ANKRD27: variants seen among roughly 807,000 people sequenced by gnomAD.
ANKRD27 encodes ankyrin repeat domain 27.
A neutral mutation model predicts 129.7 loss-of-function variants in ANKRD27; 112 were observed. The observed-to-expected ratio is 0.86, with a 90% confidence interval of 0.74 to 1.01. The LOEUF (loss-of-function observed/expected upper bound fraction) is 1.01, where lower values mean the gene tolerates loss of function less well. Ranked by LOEUF, ANKRD27 falls within the 50% of genes least tolerant of loss-of-function variation. The probability of loss-of-function intolerance (pLI) is 0.00; values close to 1 mark genes in which losing one functional copy is unlikely to be tolerated. For synonymous variants in ANKRD27, 516 were observed against 511.2 expected (o/e 1.01, Z -0.13); for missense variants, 1,258 against 1,300.5 (o/e 0.97, Z 0.50).
chr19:32,605,698 C>T (rs1166877582), intron 24 of ANKRD27, 137 bp downstream of exon 24: 1 of 1,214,358 alleles, frequency 8.2e-7, no homozygotes, highest in Non-Finnish European at 1.2e-6. Flanking sequence ...GACGCACGCC[C>T]TGCTCCTCTC....
chr19:32,636,841 G>A (rs1405551181), intron 12 of ANKRD27, among the ~76,000 whole-genome samples: 12 of 151,666 alleles, frequency 7.9e-5, no homozygotes, highest in African/African-American at 1.5e-4. Context: ...TCTGCCTCCC[G>A]GATTAATGCA....
intron 24 of ANKRD27, among the ~76,000 whole-genome samples, chr19:32,605,093 G>A (rs956390614): frequency 1.5e-4 from 23 of 152,050 alleles, no homozygotes; most frequent in South Asian, 4.2e-4. Flanking sequence ...AATACTTGGC[G>A]AGGCCCCGTG....
intron 23 of ANKRD27, 131 bp from the exon 24 acceptor site, chr19:32,606,085 G>T: frequency 2.7e-6 from 2 of 753,250 alleles, no homozygotes; most frequent in Non-Finnish European, 3.7e-6. Flanking sequence ...AAATGCTCAA[G>T]TTTGATATTC....
At position 32,640,308 on chromosome 19, in the gene ANKRD27, AATTAGGG is replaced by A; in HGVS notation, c.975_981del (p.Pro326GlyfsTer5). ...GAGTATCTTAAAAGAAAATGTTACC[AATTAGGG>A]ATCTCCGTTTTCACAAGCAAGTATA... On this transcript the variant is annotated frameshift_variant and splice_region_variant, in exon 11 of 29. Coordinates refer to ENST00000306065, the MANE Select transcript of ANKRD27 (RefSeq NM_032139.3). LOFTEE classifies it high-confidence loss of function. 6.2e-7 allele frequency: 1 copy of A among 1,612,912 alleles called. No homozygotes were observed. The highest frequency in any genetic ancestry group is 8.5e-7 in the Non-Finnish European group (1 of 1,179,020).
At chr19:32,660,896 C>T (rs259256) in intron 1 of ANKRD27, among the ~76,000 whole-genome samples, 74,260 of 151,930 alleles carry the variant, frequency 0.49, 21,033 homozygotes, top group Non-Finnish European at 0.65. Flanking sequence ...CTTTACACAT[C>T]TGTATACTAA....
rs755184107 is a variant in ANKRD27, at chr19:32,644,369, G to T, written c.481C>A (p.Arg161=). Reference sequence around the variant, plus strand: ...TTTCTCTCGCATTCTCGGAATGTTCGATGGAAAGAGGCGATGTTCCTGTCA... The same window carrying T: ...TTTCTCTCGCATTCTCGGAATGTTCTATGGAAAGAGGCGATGTTCCTGTCA... The part of the protein sequence containing the change: ...RFDRNIASFH[R]TFRECERKSL... Residue 161 remains arginine, a synonymous_variant, in exon 5 of 29, where the codon CGA becomes AGA. Coordinates refer to ENST00000306065, the MANE Select transcript of ANKRD27 (RefSeq NM_032139.3). The T allele has an allele frequency of 1.3e-5, 21 of 1,613,814 alleles. No individual in the cohort carries two copies. Among genetic ancestry groups the T allele is most frequent in the Non-Finnish European group, 8.5e-7 (1 of 1,180,008 alleles).
intron 1 of ANKRD27, among the ~76,000 whole-genome samples, chr19:32,667,991 T>C (rs1334250891): frequency 6.6e-6 from 1 of 152,220 alleles, no homozygotes; most frequent in East Asian, 1.9e-4. Flanking sequence ...ACTCTCTCAC[T>C]ATGTAACAGG....
At position 32,643,310 on chromosome 19, in the gene ANKRD27, C is replaced by G. The variant is rs138679508; in HGVS notation, c.682G>C (p.Val228Leu). 17 of 1,613,948 alleles carry G rather than the reference C, an allele frequency of 1.1e-5. No homozygotes were observed. Among genetic ancestry groups the G allele is most frequent in the African/African-American group, 1.3e-5 (1 of 75,008 alleles). The change falls in exon 8 of 29, where the codon GTG becomes CTG. Residue 228 changes from valine (V) to leucine (L), a missense_variant. Val to Leu is a conservative substitution (Grantham distance 32). Coordinates refer to ENST00000306065, the MANE Select transcript of ANKRD27 (RefSeq NM_032139.3). ...HEIYNLIFKY[V>L]GTMEASEDAA... The stretch of plus-strand genomic sequence containing the variant: ...ACCTCACTTGCCTCCATGGTCCCCA[C>G]GTATTTAAAGATCAGGTTGTAAATT...
chr19:32,656,246 G>A (rs1240817870), intron 2 of ANKRD27, among the ~76,000 whole-genome samples: 1 of 152,140 alleles, frequency 6.6e-6, no homozygotes, highest in Non-Finnish European at 1.5e-5. Flanking sequence ...CAGTGTGACA[G>A]TTCTAAAAAG....
At chr19:32,636,126 G>T in intron 12 of ANKRD27, 1 of 155,922 alleles carries the variant, frequency 6.4e-6, no homozygotes, top group South Asian at 1.8e-4. Context: ...TGTTAACACT[G>T]ATTTACAAGG....
At chr19:32,618,037 C>T (rs1362538112) in intron 20 of ANKRD27, among the ~76,000 whole-genome samples, 2 of 152,038 alleles carry the variant, frequency 1.3e-5, no homozygotes, top group Non-Finnish European at 2.9e-5. Context: ...GCATTACAGG[C>T]GTGAGCCACC....
chr19:32,619,928 T>C (rs1028022895), intron 18 of ANKRD27, among the ~76,000 whole-genome samples: 1 of 152,070 alleles, frequency 6.6e-6, no homozygotes, highest in African/African-American at 2.4e-5. Flanking sequence ...GCCTTTCCTC[T>C]AGCACCCACA....
At chr19:32,619,628 G>A (rs1273849285) in intron 18 of ANKRD27, 75 bp from the exon 19 acceptor site, 11 of 1,547,454 alleles carry the variant, frequency 7.1e-6, no homozygotes, top group South Asian at 6.7e-5. Flanking sequence ...TCACCCACAC[G>A]CCCCACTGCC....
intron 20 of ANKRD27, among the ~76,000 whole-genome samples, 191 bp from the exon 21 acceptor site, chr19:32,617,824 G>A (rs1318196077): frequency 1.3e-5 from 2 of 149,412 alleles, no homozygotes; most frequent in East Asian, 4.0e-4. Flanking sequence ...GCGCAATCTC[G>A]GCTCACCGCA....
rs571858858 is a variant in ANKRD27 at position 32,628,655 on chromosome 19, T to C, written c.1337+67A>G. The C allele has an allele frequency of 3.7e-5, 59 of 1,596,578 alleles. No homozygotes were observed. In the South Asian group the frequency reaches 5.7e-4, roughly 15 times the overall value. On this transcript the variant is annotated intron_variant, in intron 14 of 28. Coordinates refer to ENST00000306065, the MANE Select transcript of ANKRD27 (RefSeq NM_032139.3). ...TTATCTGCAGTCACACAGCGCACAG[T>C]GGAGAAGGTCCAGGAGGCCTGTCTC... is the stretch of plus-strand genomic sequence containing the variant.
In ANKRD27 at chr19:32,622,544, G is replaced by C; in HGVS notation, c.1705C>G (p.Leu569Val). ...DIGNEKGDTP[L>V]HIAARWGYQG... ...TAGCCCCAGCGGGCAGCAATGTGTA[G>C]AGGGGTGTCTCCTTTCTCATTGCCA... The change falls in exon 18 of 29, where the codon CTA (leucine) becomes GTA (valine). Residue 569 changes from leucine (L) to valine (V), a missense_variant. Physicochemically the swap from Leu to Val is conservative, Grantham distance 32. Transcript: ENST00000306065. 1 of 1,614,132 alleles carries C rather than the reference G, an allele frequency of 6.2e-7. No individual in the cohort carries two copies. Among genetic ancestry groups the C allele is most frequent in the Non-Finnish European group, 8.5e-7 (1 of 1,180,038 alleles).
intron 17 of ANKRD27, among the ~76,000 whole-genome samples, chr19:32,623,668 C>T (rs1972047860): frequency 6.6e-6 from 1 of 151,798 alleles, no homozygotes; most frequent in Admixed American, 6.6e-5. Context: ...CCCACCTCAA[C>T]CTCCTGAGTA....
At chr19:32,607,927 C>T in intron 22 of ANKRD27, 95 bp from the exon 23 acceptor site, 1 of 1,249,798 alleles carries the variant, frequency 8.0e-7, no homozygotes, top group Non-Finnish European at 1.1e-6. Context: ...AGCTCCCACA[C>T]ACAATGCGGG....
chr19:32,657,348 G>C (rs1967558293), intron 2 of ANKRD27, among the ~76,000 whole-genome samples: 1 of 151,950 alleles, frequency 6.6e-6, no homozygotes, highest in African/African-American at 2.4e-5. Flanking sequence ...TGTAGTCCCA[G>C]CTACTCAGGA....
Sources: allele counts gnomAD v4.1 joint callset (sites outside exome capture counted in the v4.1 genomes callset), GRCh38; gene constraint gnomAD v4.1.1; transcripts MANE v1.5; gene names NCBI Gene and HGNC (gene_info 2026-07-23, HGNC 2026-07-21).